DCLK1: variants seen among roughly 807,000 people sequenced by gnomAD.
The protein encoded by DCLK1 is doublecortin like kinase 1, also known as serine/threonine-protein kinase DCLK1.
Under a neutral mutation model 86.2 loss-of-function variants are expected in DCLK1, and 16 were observed. The ratio of observed to expected loss-of-function variants is 0.19; its 90% CI spans 0.13 to 0.28. The LOEUF is 0.28. Ranked by LOEUF, DCLK1 falls within the 10% of genes least tolerant of loss-of-function variation. The pLI is 1.00. For synonymous variants in DCLK1, 369 were observed against 370.5 expected (o/e 1.00, Z 0.05); for missense variants, 590 against 940.2 (o/e 0.63, Z 4.87).
At chr13:35,801,523 G>C (rs929082356) in intron 15 of DCLK1, among the ~76,000 whole-genome samples, 2 of 149,606 alleles carry the variant, frequency 1.3e-5, no homozygotes, top group East Asian at 3.9e-4. Flanking sequence ...TTTAGTTTTC[G>C]ATCTCCTAGA....
chr13:35,845,644 G>A (rs1241154678), intron 6 of DCLK1, among the ~76,000 whole-genome samples: 1 of 152,160 alleles, frequency 6.6e-6, no homozygotes, highest in East Asian at 1.9e-4. Context: ...GGAAGGTAGA[G>A]TCCTGATTTT....
intron 3 of DCLK1, among the ~76,000 whole-genome samples, chr13:36,045,075 G>A (rs1013414564): frequency 6.6e-6 from 1 of 150,738 alleles, no homozygotes; most frequent in Non-Finnish European, 1.5e-5. Context: ...TGAGTAGAAG[G>A]ATTCATGACT....
Position 35,900,983 on chromosome 13 carries a change from A to G in DCLK1, c.824-29643T>C, listed in dbSNP as rs181033532. ...AACTCAGCGAAAGGAAAGACTCAAC[A>G]AAGTATTTTTTTTTCTTAAGGCAGG... On this transcript the variant is annotated intron_variant, in intron 4 of 16. Transcript: ENST00000360631. 5.1e-3 allele frequency among the ~76,000 whole-genome samples: 772 copies of G among 152,324 alleles called. 6 individuals are homozygous for G. Among genetic ancestry groups the G allele is most frequent in the African/African-American group, 0.018 (740 of 41,566 alleles).
intron 10 of DCLK1, 64 bp from the exon 11 acceptor site, chr13:35,822,939 G>A (rs2087431299): frequency 6.3e-7 from 1 of 1,579,102 alleles, no homozygotes; most frequent in Admixed American, 1.8e-5. Context: ...CACCTGCAGA[G>A]GCCATTGACA....
rs115023965 is a variant in DCLK1 at position 35,774,241 on chromosome 13, A to G, written c.*294T>C. On this transcript the variant is annotated 3_prime_UTR_variant, in exon 17 of 17. Coordinates refer to ENST00000360631, the MANE Select transcript of DCLK1 (RefSeq NM_001330071.2). ...ACAAGTGCTATATTACATACTGCAG[A>G]TCCTAGCTTGACTGATGAAAACATT... 3,860 of 326,860 alleles carry G rather than the reference A, an allele frequency of 0.012. 136 individuals are homozygous for G. The highest frequency in any genetic ancestry group is 0.073 in the African/African-American group (3,536 of 48,372). 20.2% of individuals were successfully genotyped at this position (326,860 alleles called of 1,614,324 possible).
At chr13:35,988,517 T>G (rs1880053048) in intron 3 of DCLK1, among the ~76,000 whole-genome samples, 1 of 152,232 alleles carries the variant, frequency 6.6e-6, no homozygotes, top group South Asian at 2.1e-4. Context: ...AATTTTCCAT[T>G]CAAATCTTAC....
At position 36,131,341 on chromosome 13, in the gene DCLK1, ACAGCCTCACTC is replaced by A. The variant is rs1188659928; in HGVS notation, c.-258_-248del. On this transcript the variant is annotated 5_prime_UTR_variant, in exon 1 of 17. Coordinates refer to ENST00000360631, the MANE Select transcript of DCLK1 (RefSeq NM_001330071.2). Reference sequence around the variant, plus strand: ...TCCTCATTGAAATGCGGCGCTTCGCACAGCCTCACTCCAGCCTCTCTCTCCAGAGGAGGGCG... The same window carrying A: ...TCCTCATTGAAATGCGGCGCTTCGCACAGCCTCTCTCTCCAGAGGAGGGCG... 3.0e-5 allele frequency: 5 copies of A among 166,266 alleles called. No individual in the cohort carries two copies. Among genetic ancestry groups the A allele is most frequent in the African/African-American group, 4.8e-5 (2 of 41,388 alleles). The allele number at this position is 166,266 out of a possible 1,614,324, so 10.3% of individuals were successfully genotyped here.
At chr13:36,013,367 T>C (rs1881371973) in intron 3 of DCLK1, among the ~76,000 whole-genome samples, 1 of 151,500 alleles carries the variant, frequency 6.6e-6, no homozygotes, top group Non-Finnish European at 1.5e-5. Flanking sequence ...TTTTATCTAC[T>C]TTTGGTCTTT....
At chr13:35,816,727 C>T (rs1014408116) in intron 11 of DCLK1, among the ~76,000 whole-genome samples, 6 of 152,188 alleles carry the variant, frequency 3.9e-5, no homozygotes, top group Non-Finnish European at 8.8e-5. Flanking sequence ...GGATGTCCTG[C>T]CACTACTGGT....
At chr13:35,839,289 T>A in intron 6 of DCLK1, 113 bp from the exon 7 acceptor site, 1 of 855,456 alleles carries the variant, frequency 1.2e-6, no homozygotes, top group East Asian at 2.7e-5. Context: ...CTAGGGAGGA[T>A]TTGATCTTAA....
rs1211127395 is a variant in DCLK1, at chr13:36,045,255, T to TTC, written c.723+66612_723+66613dup. On this transcript the variant is annotated intron_variant, in intron 3 of 16. Transcript: ENST00000360631. ...ATGCTCTATCTATTCAAAATCCATC[T>TTC]TCTATATATATATATATATAGAAGA... Among the ~76,000 whole-genome samples the TTC allele has an allele frequency of 9.1e-3, 1,024 of 113,130 alleles. 7 individuals carry two copies. The highest frequency in any genetic ancestry group is 0.015 in the Non-Finnish European group (815 of 54,912). The allele number at this position is 113,130 out of a possible 152,430, so 74.2% of individuals were successfully genotyped here. A position where few individuals can be genotyped will look rare whatever the true frequency, so the allele number is the denominator to read the frequency against.
intron 3 of DCLK1, among the ~76,000 whole-genome samples, chr13:36,027,093 T>C (rs558815507): frequency 6.6e-6 from 1 of 152,322 alleles, no homozygotes; most frequent in Non-Finnish European, 1.5e-5. Flanking sequence ...GGAGAGATTT[T>C]CAATGTAGCA....
chr13:35,948,381 T>C (rs747509368), intron 3 of DCLK1, among the ~76,000 whole-genome samples: 19 of 152,184 alleles, frequency 1.2e-4, no homozygotes, highest in Non-Finnish European at 2.5e-4. Context: ...GATGTTGTAA[T>C]AGCATTTTCT....
chr13:35,964,303 T>C (rs1212539693), intron 3 of DCLK1, among the ~76,000 whole-genome samples: 1 of 152,048 alleles, frequency 6.6e-6, no homozygotes, highest in East Asian at 1.9e-4. Context: ...TAATATAGGA[T>C]TGTGAAGGGG....
At chr13:36,078,838 A>T (rs956861048) in intron 3 of DCLK1, among the ~76,000 whole-genome samples, 3 of 152,210 alleles carry the variant, frequency 2.0e-5, no homozygotes, top group African/African-American at 7.2e-5. Flanking sequence ...TACAAAAAAA[A>T]TAGGTCTGAT....
chr13:36,008,227 A>ATTTTT (rs1203184266), intron 3 of DCLK1, among the ~76,000 whole-genome samples: 1 of 85,194 alleles, frequency 1.2e-5, no homozygotes, highest in Non-Finnish European at 2.3e-5. Context: ...TATTATTATT[A>ATTTTT]TTTTTTTAAT....
intron 3 of DCLK1, among the ~76,000 whole-genome samples, chr13:36,073,312 C>A (rs565994399): frequency 6.6e-6 from 1 of 152,230 alleles, no homozygotes; most frequent in African/African-American, 2.4e-5. Context: ...TTTTAGAAAA[C>A]AGATACTATT....
At chr13:35,959,951 A>C (rs1326072531) in intron 3 of DCLK1, among the ~76,000 whole-genome samples, 1 of 152,010 alleles carries the variant, frequency 6.6e-6, no homozygotes, top group Non-Finnish European at 1.5e-5. Flanking sequence ...ATGTGCTTAC[A>C]TTCCTGTCCT....
chr13:36,124,744 A>G (rs1394112050), intron 2 of DCLK1, among the ~76,000 whole-genome samples: 1 of 152,172 alleles, frequency 6.6e-6, no homozygotes, highest in African/African-American at 2.4e-5. Context: ...TCAAGGTGAA[A>G]TCAAGCTCTT....
Sources: gnomAD v4.1 joint callset for allele counts (sites outside exome capture counted in the v4.1 genomes callset) on GRCh38, gnomAD v4.1.1 for gene constraint, MANE v1.5 for transcripts, NCBI Gene and HGNC (gene_info 2026-07-23, HGNC 2026-07-21) for gene names.